RYR2: variants seen among roughly 807,000 people sequenced by gnomAD.
RYR2 encodes cardiac muscle ryanodine receptor-calcium release channel.
Under a neutral mutation model 601.1 loss-of-function variants are expected in RYR2, and 227 were observed. The observed-to-expected ratio is 0.38, with a 90% CI of 0.34 to 0.42. The LOEUF (loss-of-function observed/expected upper bound fraction) is 0.42, where lower values mean the gene tolerates loss of function less well. Ranked by LOEUF, RYR2 falls within the 10% of genes least tolerant of loss-of-function variation. The probability of loss-of-function intolerance (pLI) is 1.00; values close to 1 mark genes in which losing one functional copy is unlikely to be tolerated. For synonymous variants in RYR2, 2,223 were observed against 2,175.1 expected, an observed-to-expected ratio of 1.02 and a Z score of -0.61; for missense variants, 4,646 against 6,156.5, an observed-to-expected ratio of 0.75 and a Z score of 8.21.
intron 25 of RYR2, among the ~76,000 whole-genome samples, chr1:237,537,789 A>T (rs1668806767): frequency 6.6e-6 from 1 of 152,232 alleles, no homozygotes; most frequent in South Asian, 2.1e-4. Context: ...AAGTTTAAGA[A>T]CATAAAATAT....
rs59114136 is a variant in RYR2, at chr1:237,226,054, C to CAA, written c.49-44429_49-44428dup. Among the ~76,000 whole-genome samples, 1,211 of 116,520 alleles carry CAA rather than the reference C, an allele frequency of 0.01. 47 individuals carry two copies. In the East Asian group the frequency reaches 0.15, roughly 15 times the overall value. The allele number at this position is 116,520 out of a possible 152,430, so 76.4% of individuals were successfully genotyped here. A position where few individuals can be genotyped will look rare whatever the true frequency, so the allele number is the denominator to read the frequency against. ...TGGGTGACAGAATGAGACTCCATCTCAAAAAAAAAAAAAAATTAAAGGTGT... is the reference window on the plus strand; with the variant it reads ...TGGGTGACAGAATGAGACTCCATCTCAAAAAAAAAAAAAAAAATTAAAGGTGT... On this transcript the variant is annotated intron_variant, in intron 1 of 104. Transcript: ENST00000366574.
rs1037013333 is a variant in RYR2 at position 237,280,057 on chromosome 1, G to A, written c.168+9441G>A. 8.3e-4 allele frequency among the ~76,000 whole-genome samples: 126 copies of A among 152,206 alleles called. 1 individual carries two copies. Among genetic ancestry groups the A allele is most frequent in the African/African-American group, 3.0e-3 (123 of 41,536 alleles). ...TTCTATGGCGTCACTTTAATTAAAA[G>A]TATTTCTTCTCATAATGGAACATGA... is the stretch of plus-strand genomic sequence containing the variant. On this transcript the variant is annotated intron_variant, in intron 2 of 104. Coordinates refer to ENST00000366574, the MANE Select transcript of RYR2 (RefSeq NM_001035.3).
At chr1:237,045,409 C>G (rs1660454629) in intron 1 of RYR2, among the ~76,000 whole-genome samples, 2 of 152,126 alleles carry the variant, frequency 1.3e-5, no homozygotes, top group Non-Finnish European at 2.9e-5. Flanking sequence ...TCTGGCATCT[C>G]TGTTCCATTT....
At chr1:237,272,567 A>G (rs1203942951) in intron 2 of RYR2, among the ~76,000 whole-genome samples, 2 of 148,680 alleles carry the variant, frequency 1.3e-5, no homozygotes, top group Admixed American at 1.3e-4. Context: ...ATTTATATAT[A>G]TTAGTGGAGT....
chr1:237,353,155 A>G (rs12023548), intron 3 of RYR2, among the ~76,000 whole-genome samples: 18,820 of 152,194 alleles, frequency 0.12, 1,478 homozygotes, highest in East Asian at 0.34. Context: ...AGAATTATCC[A>G]TCTTAAACAG....
At chr1:237,730,208 TTTCAAC>T in intron 76 of RYR2, 46 bp from the exon 77 acceptor site, 2 of 1,021,446 alleles carry the variant, frequency 2.0e-6, no homozygotes, top group Non-Finnish European at 3.1e-6. Context: ...CTCAATACAA[TTTCAAC>T]TTATTTTCTA....
intron 1 of RYR2, among the ~76,000 whole-genome samples, chr1:237,077,629 G>C (rs1185221333): frequency 3.1e-4 from 40 of 130,890 alleles, no homozygotes; most frequent in African/African-American, 9.7e-4. Flanking sequence ...CATAAAGCAA[G>C]TCCTGAGTGA....
At chr1:237,436,995 T>A (rs561038785) in intron 12 of RYR2, among the ~76,000 whole-genome samples, 1 of 151,834 alleles carries the variant, frequency 6.6e-6, no homozygotes, top group South Asian at 2.1e-4. Flanking sequence ...TTAATACTTT[T>A]CAGACCAATC....
intron 33 of RYR2, among the ~76,000 whole-genome samples, chr1:237,595,242 G>C (rs1475576445): frequency 1.3e-5 from 2 of 152,144 alleles, no homozygotes; most frequent in African/African-American, 4.8e-5. Flanking sequence ...GTGCAGGTCA[G>C]TTCTTACTTG....
chr1:237,725,455 C>T (rs1300784017), intron 74 of RYR2, among the ~76,000 whole-genome samples: 1 of 152,040 alleles, frequency 6.6e-6, no homozygotes, highest in Non-Finnish European at 1.5e-5. Flanking sequence ...ACAGGAAACA[C>T]TTGTTGATTT....
At chr1:237,385,697 C>CT (rs890484129) in intron 8 of RYR2, among the ~76,000 whole-genome samples, 1 of 151,992 alleles carries the variant, frequency 6.6e-6, no homozygotes, top group South Asian at 2.1e-4. Flanking sequence ...TGTGCACGTG[C>CT]TTTTTTTTAC....
chr1:237,357,588 AT>A (rs931273399), intron 4 of RYR2, among the ~76,000 whole-genome samples: 26 of 151,822 alleles, frequency 1.7e-4, no homozygotes, highest in African/African-American at 6.3e-4. Flanking sequence ...TGCCTGTGTA[AT>A]TTTTTTCTTT....
chr1:237,777,827 G>GCACTT (rs1467803298), intron 87 of RYR2, among the ~76,000 whole-genome samples: 5 of 152,166 alleles, frequency 3.3e-5, no homozygotes, highest in African/African-American at 1.2e-4. Context: ...TAATGGTTCA[G>GCACTT]CACTTCACCA....
Position 237,614,526 on chromosome 1 carries a change from A to G in RYR2, c.5398A>G (p.Lys1800Glu). 1 of 1,614,056 alleles carries G rather than the reference A, an allele frequency of 6.2e-7. No homozygotes were observed. Among genetic ancestry groups the G allele is most frequent in the South Asian group, 1.1e-5 (1 of 91,080 alleles). The change falls in exon 37 of 105, where the codon AAA (lysine) becomes GAA (glutamate). Residue 1800 changes from lysine to glutamate, a missense_variant. Lys to Glu is a moderately conservative substitution (Grantham distance 56, BLOSUM62 1). This residue lies in a region of RYR2 where 1,807 missense variants were observed against 2,088.1 expected (regional missense o/e 0.87). Coordinates refer to ENST00000366574, the MANE Select transcript of RYR2 (RefSeq NM_001035.3). This position sits in a 1 kb window ranked among gnomAD's most constrained non-coding sequence, Gnocchi z 4.3. Reference protein sequence around the residue: ...KTIQMLTEAVKEGSLHARDPV... With the variant: ...KTIQMLTEAVEEGSLHARDPV... Reference sequence around the variant, plus strand: ...CATACAGATGCTGACAGAAGCTGTTAAAGAGGGCAGTCTTCATGCCCGGGA... The same window carrying G: ...CATACAGATGCTGACAGAAGCTGTTGAAGAGGGCAGTCTTCATGCCCGGGA...
At chr1:237,309,570 T>G (rs1694292067) in intron 2 of RYR2, among the ~76,000 whole-genome samples, 1 of 152,250 alleles carries the variant, frequency 6.6e-6, no homozygotes, top group Non-Finnish European at 1.5e-5. Flanking sequence ...TGGCTTCACC[T>G]ACTGGATCCC....
At chr1:237,580,469 TAA>T (rs34856679) in intron 29 of RYR2, among the ~76,000 whole-genome samples, 85 of 149,216 alleles carry the variant, frequency 5.7e-4, no homozygotes, top group Admixed American at 2.1e-3. Flanking sequence ...AACAATGCTT[TAA>T]AAAAAAAAAA....
intron 1 of RYR2, among the ~76,000 whole-genome samples, chr1:237,144,652 T>A (rs1407464651): frequency 6.6e-6 from 1 of 152,232 alleles, no homozygotes; most frequent in Non-Finnish European, 1.5e-5. Context: ...CAACATCTCT[T>A]ATTTTTTATC....
chr1:237,648,270 T>G (rs1294678917), intron 48 of RYR2, among the ~76,000 whole-genome samples, 174 bp from the exon 49 acceptor site: 1 of 152,220 alleles, frequency 6.6e-6, no homozygotes, highest in Non-Finnish European at 1.5e-5. Flanking sequence ...GGCTTTACAT[T>G]CACTGCCTTA....
intron 12 of RYR2, among the ~76,000 whole-genome samples, chr1:237,436,453 C>CCTTTTTTTTTTTTTTTTTTTTTT (rs1707367318): frequency 1.8e-5 from 1 of 55,830 alleles, no homozygotes; most frequent in Non-Finnish European, 3.1e-5. Flanking sequence ...GTGTGATTTT[C>CCTTTTTTTTTTTTTTTTTTTTTT]CTTTTTTTTT....
Sources: gnomAD v4.1 joint callset for allele counts (sites outside exome capture counted in the v4.1 genomes callset) on GRCh38, gnomAD v4.1.1 for gene constraint, gnomAD v4.1.1 regional missense constraint, Gnocchi (gnomAD v3.1) non-coding constraint, MANE v1.5 for transcripts, NCBI Gene and HGNC (gene_info 2026-07-23, HGNC 2026-07-21) for gene names.